The following LCMT1 variants were observed in gnomAD, a reference collection of about 807,000 sequenced individuals.
LCMT1 encodes the protein leucine carboxyl methyltransferase 1, also known as [Phosphatase 2A protein]-leucine-carboxy methyltransferase 1.
A neutral mutation model predicts 47.7 loss-of-function variants in LCMT1; 32 were observed. The ratio of observed to expected loss-of-function variants is 0.67; its 90% CI spans 0.51 to 0.90. LCMT1 has a LOEUF of 0.90. Ranked by LOEUF, LCMT1 falls within the 40% of genes least tolerant of loss-of-function variation. LCMT1 has a pLI of 0.00. For missense variants in LCMT1, 375 were observed against 415.2 expected (o/e 0.90, Z 0.84); for synonymous variants, 152 against 149.7 (o/e 1.02, Z -0.11).
At chr16:25,138,140 G>C (rs1418430083) in intron 3 of LCMT1, among the ~76,000 whole-genome samples, 1 of 152,202 alleles carries the variant, frequency 6.6e-6, no homozygotes, top group Non-Finnish European at 1.5e-5. Flanking sequence ...TTTTAAAAAA[G>C]TAGTTCTGTA....
intron 8 of LCMT1, among the ~76,000 whole-genome samples, chr16:25,170,353 T>TC (rs139091567): frequency 0.038 from 5,765 of 152,242 alleles, 146 homozygotes; most frequent in East Asian, 0.13. Flanking sequence ...TTAGTGAACT[T>TC]CCCCCCATTA....
chr16:25,140,191 TA>T lies in LCMT1; in HGVS notation c.351del (p.Lys117AsnfsTer9). On this transcript the variant is annotated frameshift_variant, in exon 4 of 11. Transcript: ENST00000399069. LOFTEE classifies it high-confidence loss of function. ...RLKDEDLLPS[K>X]YFEVDFPMIV... The stretch of plus-strand genomic sequence containing the variant: ...CCCAGGATGAAGATCTTCTCCCAAG[TA>T]AATATTTTGAGGTTGACTTTCCAAT... 1 of 1,608,978 alleles carries T rather than the reference TA, an allele frequency of 6.2e-7. No homozygotes were observed. The highest frequency in any genetic ancestry group is 8.5e-7 in the Non-Finnish European group (1 of 1,177,304).
At chr16:25,138,303 C>T (rs193014669) in intron 3 of LCMT1, among the ~76,000 whole-genome samples, 76 of 152,096 alleles carry the variant, frequency 5.0e-4, no homozygotes, top group African/African-American at 1.8e-3. Context: ...TTTGAGACAC[C>T]AGAGGGGGTG....
intron 2 of LCMT1, among the ~76,000 whole-genome samples, chr16:25,130,857 TTTGA>T (rs1482146351): frequency 3.9e-5 from 6 of 152,326 alleles, no homozygotes; most frequent in African/African-American, 1.4e-4. Flanking sequence ...ATGTGCAACA[TTTGA>T]TTGGCAGCAG....
rs754232551 is a variant in LCMT1 at position 25,170,790 on chromosome 16, G to C, written c.869G>C (p.Arg290Pro). Residue 290 changes from arginine to proline, a missense_variant, in exon 9 of 11, where the codon CGA (arginine) becomes CCA (proline). Transcript: ENST00000399069. ...DMMELYNRLP[R>P]AEVSRIESLE... ...ATGGAGTTGTACAACAGGTTACCTCGAGCTGAAGTGAGCAGGTATGGGGTT... is the reference window on the plus strand; with the variant it reads ...ATGGAGTTGTACAACAGGTTACCTCCAGCTGAAGTGAGCAGGTATGGGGTT... 1 of 1,610,972 alleles carries C rather than the reference G, an allele frequency of 6.2e-7. No homozygotes were observed. The highest frequency in any genetic ancestry group is 1.3e-5 in the African/African-American group (1 of 74,844).
At position 25,173,704 on chromosome 16, in the gene LCMT1, AC is replaced by A. The variant is rs1961842855; in HGVS notation, c.885-1232del. On this transcript the variant is annotated intron_variant, in intron 9 of 10. Coordinates refer to ENST00000399069, the MANE Select transcript of LCMT1 (RefSeq NM_016309.3). ...ATAGTGTGTACCTATTTTGACAGAA[AC>A]TTTTTTTTTGTTTTTTTTTGATAGA... Among the ~76,000 whole-genome samples, 8 of 146,346 alleles carry A rather than the reference AC, an allele frequency of 5.5e-5. No homozygotes were observed. The South Asian group carries it at 1.8e-3, about 33-fold the overall frequency.
At chr16:25,112,245 A>G (rs1005572656) in intron 1 of LCMT1, among the ~76,000 whole-genome samples, 2 of 152,364 alleles carry the variant, frequency 1.3e-5, no homozygotes, top group East Asian at 1.9e-4. Context: ...CCCCTGAGCC[A>G]GACAGACGAG....
At position 25,132,298 on chromosome 16, in the gene LCMT1, G is replaced by A. The variant is rs143890803; in HGVS notation, c.206-104G>A. 9.6e-5 allele frequency: 131 copies of A among 1,364,626 alleles called. 1 individual carries two copies. The African/African-American group carries it at 1.8e-3, about 19-fold the overall frequency. The allele number at this position is 1,364,626 out of a possible 1,614,324, so 84.5% of individuals were successfully genotyped here. On this transcript the variant is annotated intron_variant, in intron 2 of 10. Coordinates refer to ENST00000399069, the MANE Select transcript of LCMT1 (RefSeq NM_016309.3). ...AGATTAACCTCTGACACTGCAGAAG[G>A]GCGCATGCTCTCTGTTTTGCTCTTC...
intron 9 of LCMT1, among the ~76,000 whole-genome samples, chr16:25,174,424 C>T (rs1366392963): frequency 6.6e-6 from 1 of 152,156 alleles, no homozygotes; most frequent in Non-Finnish European, 1.5e-5. Flanking sequence ...AAATTTGTCT[C>T]ACTTTTTCTT....
chr16:25,140,424 A>G, intron 4 of LCMT1, 177 bp downstream of exon 4: 1 of 598,422 alleles, frequency 1.7e-6, no homozygotes, highest in Non-Finnish European at 3.0e-6. Flanking sequence ...AGTCTGCAAA[A>G]TGCAATATAC....
chr16:25,146,661 G>A (rs1960866322), intron 4 of LCMT1: 1 of 152,200 alleles, frequency 6.6e-6, no homozygotes, highest in African/African-American at 2.4e-5. Flanking sequence ...CAGGGTCTGG[G>A]GTCTGGCCTC....
intron 5 of LCMT1, 135 bp downstream of exon 5, chr16:25,151,750 A>C (rs1192460782): frequency 1.7e-6 from 1 of 585,488 alleles, no homozygotes; most frequent in Non-Finnish European, 2.9e-6. Flanking sequence ...TGTCAACTGA[A>C]GAATGACGAG....
chr16:25,151,436 A>G lies in LCMT1; in HGVS notation c.405-118A>G, dbSNP rs942191161. On this transcript the variant is annotated intron_variant, in intron 4 of 10. Coordinates refer to ENST00000399069, the MANE Select transcript of LCMT1 (RefSeq NM_016309.3). ...TAGAGGGGCCCCTGCTTTGAACAATAGCAAATATATATTTGCCATTTTGGT... is the reference window on the plus strand; with the variant it reads ...TAGAGGGGCCCCTGCTTTGAACAATGGCAAATATATATTTGCCATTTTGGT... 1.2e-5 allele frequency: 10 copies of G among 833,182 alleles called. No homozygotes were observed. In the African/African-American group the frequency reaches 1.5e-4, roughly 13 times the overall value. 51.6% of individuals were successfully genotyped at this position (833,182 alleles called of 1,614,324 possible).
At chr16:25,162,942 C>A (rs1961475087) in intron 6 of LCMT1, among the ~76,000 whole-genome samples, 1 of 152,178 alleles carries the variant, frequency 6.6e-6, no homozygotes, top group Non-Finnish European at 1.5e-5. Flanking sequence ...GTGATCTGTG[C>A]TTACTGCAGC....
chr16:25,149,299 A>G (rs1960994527), intron 4 of LCMT1, among the ~76,000 whole-genome samples: 1 of 152,192 alleles, frequency 6.6e-6, no homozygotes, highest in Non-Finnish European at 1.5e-5. Flanking sequence ...GGCCCAAGAC[A>G]GTTCTTCAGT....
intron 5 of LCMT1, among the ~76,000 whole-genome samples, chr16:25,156,808 A>G (rs2141690823): frequency 6.6e-6 from 1 of 152,322 alleles, no homozygotes; most frequent in Admixed American, 6.5e-5. Context: ...CCATGAGGGC[A>G]GGGACCATGT....
chr16:25,163,296 G>A (rs1021174935), intron 6 of LCMT1, among the ~76,000 whole-genome samples: 2 of 152,078 alleles, frequency 1.3e-5, no homozygotes, highest in South Asian at 4.2e-4. Flanking sequence ...GGGAAACCCC[G>A]TCTCTACTAC....
intron 3 of LCMT1, among the ~76,000 whole-genome samples, chr16:25,136,224 C>G (rs1429474867): frequency 1.3e-5 from 2 of 152,036 alleles, no homozygotes; most frequent in African/African-American, 4.8e-5. Flanking sequence ...TTCTCCATCT[C>G]CCTGTGGAGG....
chr16:25,135,658 C>G (rs1218452776), intron 3 of LCMT1, among the ~76,000 whole-genome samples: 2 of 152,098 alleles, frequency 1.3e-5, no homozygotes, highest in African/African-American at 2.4e-5. Context: ...CTAGGTTGCA[C>G]CAGCAGAGGT....
Sources: allele counts gnomAD v4.1 joint callset (sites outside exome capture counted in the v4.1 genomes callset), GRCh38; gene constraint gnomAD v4.1.1; transcripts MANE v1.5; gene names NCBI Gene and HGNC (gene_info 2026-07-23, HGNC 2026-07-21).